The following PTK2 variants were observed in gnomAD, a reference collection of about 807,000 sequenced individuals.
PTK2 encodes protein tyrosine kinase 2, also known as focal adhesion kinase 1.
PTK2 carries 45 observed loss-of-function variants against 150.1 expected under a neutral mutation model. The ratio of observed to expected loss-of-function variants is 0.30; its 90% CI spans 0.24 to 0.38. The LOEUF (loss-of-function observed/expected upper bound fraction) is 0.38. Among genes scored for constraint, PTK2 ranks in the 10% least tolerant of loss-of-function variants. PTK2 has a pLI of 1.00. For missense variants in PTK2, 919 were observed against 1,307.3 expected, an observed-to-expected ratio of 0.70 and a Z score of 4.58; for synonymous variants, 432 against 449.2, an observed-to-expected ratio of 0.96 and a Z score of 0.48.
At chr8:140,676,765 T>TAAAAAAAAAAAAAAAAAAAAAAAAAAAA (rs869199304) in intron 27 of PTK2, among the ~76,000 whole-genome samples, 1 of 55,572 alleles carries the variant, frequency 1.8e-5, no homozygotes, top group African/African-American at 8.5e-5. Flanking sequence ...GTCTCTACTT[T>TAAAAAAAAAAAAAAAAAAAAAAAAAAAA]AAAAAAAAAA....
chr8:140,950,318 G>C (rs553094985), intron 1 of PTK2, among the ~76,000 whole-genome samples: 1 of 152,342 alleles, frequency 6.6e-6, no homozygotes, highest in East Asian at 1.9e-4. Flanking sequence ...GGGCTTTGCA[G>C]TTCCTGGCAT....
intron 7 of PTK2, among the ~76,000 whole-genome samples, chr8:140,836,694 A>G (rs2100118847): frequency 1.3e-5 from 2 of 152,210 alleles, no homozygotes; most frequent in Admixed American, 1.3e-4. Flanking sequence ...AAATTTATCC[A>G]TTCTAGAAAT....
chr8:140,917,406 GAGGAAAAAGGAA>G lies in PTK2; in HGVS notation c.-33+8243_-33+8254del, dbSNP rs573172208. On this transcript the variant is annotated intron_variant, in intron 2 of 31. Coordinates refer to ENST00000522684, the Ensembl canonical transcript of PTK2. ...GGGGAGGGCAGATGAGAGGAGAGGA[GAGGAAAAAGGAA>G]AGGAAAAAGGAAAGCATTCATTCAT... Among the ~76,000 whole-genome samples, 321 of 152,046 alleles carry G rather than the reference GAGGAAAAAGGAA, an allele frequency of 2.1e-3. 1 individual carries two copies. The highest frequency in any genetic ancestry group is 9.8e-3 in the South Asian group (47 of 4,814).
At chr8:140,972,902 A>G (rs1303393843) in intron 1 of PTK2, among the ~76,000 whole-genome samples, 1 of 152,234 alleles carries the variant, frequency 6.6e-6, no homozygotes, top group Non-Finnish European at 1.5e-5. Flanking sequence ...CTGTCAAAAT[A>G]TTTTAAAAAT....
At chr8:140,912,376 G>A (rs1444734811) in intron 2 of PTK2, among the ~76,000 whole-genome samples, 5 of 151,350 alleles carry the variant, frequency 3.3e-5, no homozygotes, top group African/African-American at 1.2e-4. Flanking sequence ...GCTCGTGCCT[G>A]TCAGGTACTC....
chr8:140,868,669 G>A lies in PTK2; in HGVS notation c.363-4270C>T, dbSNP rs532470327. ...AAGGTATGACATCTTGACTGCAGCC[G>A]TTTTGCCAAAAACGCAAAACCTTAA... On this transcript the variant is annotated intron_variant, in intron 4 of 31. Coordinates refer to ENST00000522684, the Ensembl canonical transcript of PTK2. Among the ~76,000 whole-genome samples, 6 of 152,216 alleles carry A rather than the reference G, an allele frequency of 3.9e-5. No individual in the cohort carries two copies. In the South Asian group the frequency reaches 1.0e-3, roughly 26 times the overall value.
In PTK2 at chr8:140,879,714, A is replaced by C. The variant is rs543935185; in HGVS notation, c.196-77T>G. On this transcript the variant is annotated intron_variant, in intron 3 of 31. Coordinates refer to ENST00000522684, the Ensembl canonical transcript of PTK2. ...AAAAAAAAAAAAACCAAAACAAAAC[A>C]AAAACAAAACAAAAAAAAAACTATA... 492 of 1,167,576 alleles carry C rather than the reference A, an allele frequency of 4.2e-4. No homozygotes were observed. The highest frequency in any genetic ancestry group is 2.9e-3 in the African/African-American group (176 of 60,022). The allele number at this position is 1,167,576 out of a possible 1,614,324, so 72.3% of individuals were successfully genotyped here.
intron 17 of PTK2, among the ~76,000 whole-genome samples, chr8:140,748,428 T>A (rs2100060771): frequency 6.8e-6 from 1 of 147,982 alleles, no homozygotes. Context: ...GGGAGGCAGA[T>A]GCTGCAGTGA....
chr8:140,662,178 T>A (rs2081326344), intron 31 of PTK2, among the ~76,000 whole-genome samples: 1 of 151,924 alleles, frequency 6.6e-6, no homozygotes, highest in Admixed American at 6.6e-5. Context: ...ACAACTGTAA[T>A]CCCAGCTACT....
rs779803587 is a variant in PTK2 at position 140,818,253 on chromosome 8, C to A, written c.867+24G>T. The A allele has an allele frequency of 3.1e-6, 5 of 1,587,668 alleles. No homozygotes were observed. The Admixed American group carries it at 6.7e-5, about 21-fold the overall frequency. Reference sequence around the variant, plus strand: ...ATTCTTCTTTGTGTAACGCCAAGTTCCCGAAAGGTCAGAGCAGACTTACAT... The same window carrying A: ...ATTCTTCTTTGTGTAACGCCAAGTTACCGAAAGGTCAGAGCAGACTTACAT... On this transcript the variant is annotated intron_variant, in intron 10 of 31. Coordinates refer to ENST00000522684, the Ensembl canonical transcript of PTK2.
chr8:140,898,134 G>C (rs1259150192), intron 2 of PTK2, among the ~76,000 whole-genome samples: 1 of 152,050 alleles, frequency 6.6e-6, no homozygotes, highest in Non-Finnish European at 1.5e-5. Context: ...ACAATGAAAA[G>C]GAATTTCTAG....
chr8:140,894,928 T>G (rs1026737310), intron 2 of PTK2, among the ~76,000 whole-genome samples: 4 of 152,294 alleles, frequency 2.6e-5, no homozygotes, highest in African/African-American at 9.6e-5. Context: ...CTATACCTAA[T>G]AGGATAATAC....
chr8:140,951,477 T>TG (rs903658725), intron 1 of PTK2, among the ~76,000 whole-genome samples: 2 of 152,006 alleles, frequency 1.3e-5, no homozygotes, highest in Non-Finnish European at 1.5e-5. Flanking sequence ...GAATTTGCGG[T>TG]GGGGGGGAAT....
chr8:140,954,105 G>A (rs1473631931), intron 1 of PTK2, among the ~76,000 whole-genome samples: 2 of 152,036 alleles, frequency 1.3e-5, no homozygotes, highest in Non-Finnish European at 2.9e-5. Flanking sequence ...CTCCCGAGTA[G>A]CTGGGATTAC....
intron 1 of PTK2, among the ~76,000 whole-genome samples, chr8:140,996,848 C>G (rs571243765): frequency 1.3e-5 from 2 of 152,304 alleles, no homozygotes; most frequent in African/African-American, 4.8e-5. Context: ...TTGTTAACAC[C>G]ACATCCATTC....
chr8:140,944,902 T>C (rs528307713), intron 1 of PTK2, among the ~76,000 whole-genome samples: 1 of 152,216 alleles, frequency 6.6e-6, no homozygotes, highest in Non-Finnish European at 1.5e-5. Flanking sequence ...AAGGTACTCA[T>C]CTCTTGGTTT....
chr8:140,885,897 G>A (rs957117005), intron 3 of PTK2, among the ~76,000 whole-genome samples: 3 of 152,104 alleles, frequency 2.0e-5, no homozygotes, highest in Non-Finnish European at 2.9e-5. Flanking sequence ...GGAGTGAAGT[G>A]CTCTGGCTTT....
chr8:140,761,400 T>C (rs533187969), intron 15 of PTK2, 138 bp from the exon 19 acceptor site: 1 of 751,310 alleles, frequency 1.3e-6, no homozygotes, highest in East Asian at 2.5e-5. Context: ...TTAAACACAG[T>C]GGAATTCTCT....
At chr8:140,847,726 G>C (rs1396748069) in intron 5 of PTK2, among the ~76,000 whole-genome samples, 1 of 152,112 alleles carries the variant, frequency 6.6e-6, no homozygotes. Flanking sequence ...CCTCGTTCCT[G>C]AAAGTCTAAA....
Sources: allele counts gnomAD v4.1 joint callset (sites outside exome capture counted in the v4.1 genomes callset), GRCh38; gene constraint gnomAD v4.1.1; transcripts MANE v1.5; gene names NCBI Gene and HGNC (gene_info 2026-07-23, HGNC 2026-07-21).